DENND1A: variants seen among roughly 807,000 people sequenced by gnomAD.
The protein encoded by DENND1A is DENN domain containing 1A.
Under a neutral mutation model 113.7 loss-of-function variants are expected in DENND1A, and 51 were observed. The observed-to-expected ratio is 0.45, with a 90% CI of 0.36 to 0.57. The LOEUF (loss-of-function observed/expected upper bound fraction) is 0.57. DENND1A is among the 20% of genes least tolerant of loss of function. The pLI, the probability that DENND1A is intolerant of heterozygous loss-of-function variation, is 0.00. For synonymous variants in DENND1A, 565 were observed against 570.8 expected (o/e 0.99, Z 0.14); for missense variants, 1,258 against 1,395.9 (o/e 0.90, Z 1.57).
intron 2 of DENND1A, among the ~76,000 whole-genome samples, chr9:123,802,488 T>A (rs1834839078): frequency 0.014 from 1 of 74 alleles, no homozygotes; most frequent in Non-Finnish European, 0.036. Context: ...TGCCACTCAC[T>A]CTAACACCAC....
intron 5 of DENND1A, among the ~76,000 whole-genome samples, chr9:123,719,176 T>C (rs770181236): frequency 4.6e-5 from 7 of 152,216 alleles, no homozygotes; most frequent in Non-Finnish European, 1.0e-4. Context: ...GGTATGTCCT[T>C]ATAGGCAGTG....
At chr9:123,834,442 AG>A (rs1480161560) in intron 2 of DENND1A, among the ~76,000 whole-genome samples, 5 of 152,248 alleles carry the variant, frequency 3.3e-5, no homozygotes, top group African/African-American at 1.2e-4. Context: ...CAATTAACAA[AG>A]CAAGTAGCAG....
At chr9:123,485,656 G>GCGCGCGCACACACACACACACA (rs765633751) in intron 13 of DENND1A, 2 of 141,156 alleles carry the variant, frequency 1.4e-5, no homozygotes, top group East Asian at 2.0e-4. Context: ...GCGCGCGCGC[G>GCGCGCGCACACACACACACACA]CACACACACA....
intron 1 of DENND1A, among the ~76,000 whole-genome samples, chr9:123,906,979 A>G (rs1219474549): frequency 1.4e-5 from 2 of 147,376 alleles, no homozygotes; most frequent in Admixed American, 6.8e-5. Context: ...GGCAAAACGA[A>G]TCCAGCAGCA....
chr9:123,686,498 A>AAC, intron 5 of DENND1A, among the ~76,000 whole-genome samples: 1 of 152,244 alleles, frequency 6.6e-6, no homozygotes, highest in South Asian at 2.1e-4. Flanking sequence ...TGAGCAATCT[A>AAC]ACTCTGGCTG....
intron 13 of DENND1A, among the ~76,000 whole-genome samples, chr9:123,469,568 G>A (rs1211395346): frequency 3.9e-5 from 6 of 152,238 alleles, no homozygotes; most frequent in Admixed American, 2.0e-4. Flanking sequence ...GTGCAGGAAC[G>A]GCAGATGAGC....
intron 12 of DENND1A, among the ~76,000 whole-genome samples, chr9:123,571,918 C>T (rs1268425036): frequency 6.6e-6 from 1 of 152,260 alleles, no homozygotes; most frequent in Middle Eastern, 3.4e-3. Context: ...TCCCATCAGC[C>T]GTGATGAAAG....
chr9:123,451,665 T>C (rs1426270279), intron 17 of DENND1A, among the ~76,000 whole-genome samples: 1 of 152,208 alleles, frequency 6.6e-6, no homozygotes, highest in Non-Finnish European at 1.5e-5. Flanking sequence ...AGATAGACCA[T>C]GCTTCCGGGT....
chr9:123,810,671 G>A (rs1385394651), intron 2 of DENND1A, among the ~76,000 whole-genome samples: 1 of 151,532 alleles, frequency 6.6e-6, no homozygotes, highest in Non-Finnish European at 1.5e-5. Flanking sequence ...AAGCCATCCT[G>A]GGCCACATAC....
chr9:123,774,607 T>C (rs1046844188), intron 3 of DENND1A, among the ~76,000 whole-genome samples: 2 of 152,160 alleles, frequency 1.3e-5, no homozygotes, highest in Non-Finnish European at 2.9e-5. Flanking sequence ...CAGAAAGGCC[T>C]TTCAACACCC....
intron 8 of DENND1A, 74 bp from the exon 9 acceptor site, chr9:123,652,197 T>C: frequency 8.2e-7 from 1 of 1,223,788 alleles, no homozygotes; most frequent in Non-Finnish European, 1.2e-6. Flanking sequence ...AATAAGAGCA[T>C]AAGAAACATA....
intron 13 of DENND1A, among the ~76,000 whole-genome samples, chr9:123,472,953 T>A (rs2049568617): frequency 6.6e-6 from 1 of 152,122 alleles, no homozygotes; most frequent in Admixed American, 6.5e-5. Flanking sequence ...CTGGGATGCT[T>A]CCTCCTTGCC....
intron 5 of DENND1A, among the ~76,000 whole-genome samples, chr9:123,728,479 C>CAA (rs60761810): frequency 0.09 from 2,274 of 25,138 alleles, 386 homozygotes; most frequent in East Asian, 0.14. Context: ...CTCTGTCTCC[C>CAA]AAAAAAAAAA....
chr9:123,893,090 G>A (rs1026208290), intron 1 of DENND1A, among the ~76,000 whole-genome samples: 2 of 151,228 alleles, frequency 1.3e-5, no homozygotes, highest in East Asian at 1.9e-4. Context: ...CCCACTATAC[G>A]TACAGGATTA....
intron 10 of DENND1A, among the ~76,000 whole-genome samples, chr9:123,610,605 A>C (rs2060373949): frequency 6.6e-6 from 1 of 152,228 alleles, no homozygotes; most frequent in African/African-American, 2.4e-5. Context: ...CAACTTTTCC[A>C]TCTGTCTCTG....
At chr9:123,432,403 G>A (rs1037728328) in intron 19 of DENND1A, among the ~76,000 whole-genome samples, 1 of 152,184 alleles carries the variant, frequency 6.6e-6, no homozygotes, top group South Asian at 2.1e-4. Context: ...TAGGGGCCAC[G>A]CTGCTCTTGG....
At chr9:123,754,329 A>T (rs2070339094) in intron 5 of DENND1A, among the ~76,000 whole-genome samples, 1 of 152,208 alleles carries the variant, frequency 6.6e-6, no homozygotes, top group Non-Finnish European at 1.5e-5. Context: ...TTCCATTTAC[A>T]TGCTAGTCTC....
rs554817623 is a variant in DENND1A, at chr9:123,406,028, C to A, written c.1543-2538G>T. Among the ~76,000 whole-genome samples, 110 of 152,070 alleles carry A rather than the reference C, an allele frequency of 7.2e-4. 1 individual carries two copies. The highest frequency in any genetic ancestry group is 1.5e-3 in the South Asian group (7 of 4,788). ...GGACAAGACAGGGAAGGGAAGCAGG[C>A]ACACACTCCACTTCCTGCCCACCCT... On this transcript the variant is annotated intron_variant, in intron 20 of 23. Coordinates refer to ENST00000394215, the MANE Select transcript of DENND1A (RefSeq NM_001352964.2).
intron 2 of DENND1A, among the ~76,000 whole-genome samples, chr9:123,877,036 A>T (rs1480360440): frequency 6.6e-6 from 1 of 152,170 alleles, no homozygotes. Flanking sequence ...TAGGCACTGG[A>T]GACTCAGAAG....
Sources: allele counts gnomAD v4.1 joint callset (sites outside exome capture counted in the v4.1 genomes callset), GRCh38; gene constraint gnomAD v4.1.1; transcripts MANE v1.5; gene names NCBI Gene and HGNC (gene_info 2026-07-23, HGNC 2026-07-21).